MEOX1: variants seen among roughly 807,000 people sequenced by gnomAD.
The protein encoded by MEOX1 is homeobox protein MOX-1.
In MEOX1, 17 loss-of-function variants were observed where a neutral mutation model predicts 23.2. The ratio of observed to expected loss-of-function variants is 0.73; its 90% CI spans 0.50 to 1.10. The LOEUF (loss-of-function observed/expected upper bound fraction) is 1.10. Among genes scored for constraint, MEOX1 ranks in the 50% least tolerant of loss-of-function variants. The pLI is 0.00. For missense variants in MEOX1, 333 were observed against 332.2 expected, an observed-to-expected ratio of 1.00 and a Z score of -0.02; for synonymous variants, 134 against 135.1, an observed-to-expected ratio of 0.99 and a Z score of 0.06.
chr17:43,646,586 G>A (rs1385587434), intron 1 of MEOX1, among the ~76,000 whole-genome samples: 1 of 146,760 alleles, frequency 6.8e-6, no homozygotes, highest in Non-Finnish European at 1.5e-5. Context: ...CTCTCTGGGC[G>A]TCAGTCTCCT....
At chr17:43,654,659 A>G (rs1972980622) in intron 1 of MEOX1, among the ~76,000 whole-genome samples, 1 of 152,230 alleles carries the variant, frequency 6.6e-6, no homozygotes, top group Non-Finnish European at 1.5e-5. Flanking sequence ...CTGTCTCTAT[A>G]TTTTATTCTA....
intron 1 of MEOX1, among the ~76,000 whole-genome samples, chr17:43,656,708 A>G (rs972480284): frequency 9.9e-5 from 15 of 152,190 alleles, no homozygotes; most frequent in African/African-American, 3.6e-4. Flanking sequence ...ATTCACCTGT[A>G]GCCACTCTAA....
intron 2 of MEOX1, among the ~76,000 whole-genome samples, chr17:43,642,730 C>T (rs1972718836): frequency 6.6e-6 from 1 of 152,144 alleles, no homozygotes; most frequent in African/African-American, 2.4e-5. Context: ...GCCCAGGAAC[C>T]AGCTGCATAT....
intron 2 of MEOX1, among the ~76,000 whole-genome samples, chr17:43,642,948 C>T (rs1175183050): frequency 6.6e-6 from 1 of 152,172 alleles, no homozygotes; most frequent in Non-Finnish European, 1.5e-5. Flanking sequence ...AATTCTGAGG[C>T]CTGTATCCCA....
chr17:43,646,576 C>G (rs1316284075), intron 1 of MEOX1, among the ~76,000 whole-genome samples: 3 of 151,430 alleles, frequency 2.0e-5, no homozygotes, highest in Non-Finnish European at 2.9e-5. Context: ...GTCACTTAGC[C>G]TCTCTGGGCG....
chr17:43,648,799 C>T (rs1162197515), intron 1 of MEOX1, among the ~76,000 whole-genome samples: 2 of 152,198 alleles, frequency 1.3e-5, no homozygotes, highest in African/African-American at 4.8e-5. Flanking sequence ...TGAGGTCTTG[C>T]TGTGTGCTCT....
At chr17:43,658,734 C>T (rs1348182647) in intron 1 of MEOX1, among the ~76,000 whole-genome samples, 1 of 152,116 alleles carries the variant, frequency 6.6e-6, no homozygotes, top group African/African-American at 2.4e-5. Context: ...CTTCTTTGGG[C>T]TCTTACAAAG....
chr17:43,645,294 C>A (rs996461431), intron 1 of MEOX1, among the ~76,000 whole-genome samples: 5 of 151,362 alleles, frequency 3.3e-5, no homozygotes, highest in Non-Finnish European at 5.9e-5. Context: ...CTCCTGCCTC[C>A]GCCTCCCGAG....
Position 43,653,296 on chromosome 17 carries a change from C to T in MEOX1, c.469+7770G>A, listed in dbSNP as rs145883779. ...CTGGGACTACAGGTGTGAGCCAACA[C>T]GCCCAGCTAATTTTTGTATTTTTAG... On this transcript the variant is annotated intron_variant, in intron 1 of 2. Transcript: ENST00000318579. Among the ~76,000 whole-genome samples, 24 of 152,044 alleles carry T rather than the reference C, an allele frequency of 1.6e-4. No individual in the cohort carries two copies. In the East Asian group the frequency reaches 3.9e-3, roughly 24 times the overall value.
chr17:43,661,362 G>A lies in MEOX1; in HGVS notation c.173C>T (p.Ala58Val), dbSNP rs772324879. The change falls in exon 1 of 3, where the codon GCG (alanine) becomes GTG (valine). Residue 58 changes from alanine to valine, a missense_variant. Transcript: ENST00000318579. ...KPDFLATATA[A>V]YPDFSASCLA... ...GCAGGAGGCTGAGAAGTCAGGGTAC[G>A]CTGCCGTCGCTGTCGCCAGGAAGTC... 50 of 1,613,794 alleles carry A rather than the reference G, an allele frequency of 3.1e-5. No homozygotes were observed. The highest frequency in any genetic ancestry group is 4.2e-5 in the Non-Finnish European group (49 of 1,179,936).
chr17:43,645,603 A>C (rs1454832717), intron 1 of MEOX1, among the ~76,000 whole-genome samples: 1 of 152,108 alleles, frequency 6.6e-6, no homozygotes, highest in Non-Finnish European at 1.5e-5. Flanking sequence ...TGTTGGAAGG[A>C]GGGATCTTCT....
chr17:43,661,377 G>T lies in MEOX1; in HGVS notation c.158C>A (p.Ala53Glu), dbSNP rs769920468. The T allele has an allele frequency of 1.3e-6, 2 of 1,585,774 alleles. No homozygotes were observed. Among genetic ancestry groups the T allele is most frequent in the Non-Finnish European group, 1.7e-6 (2 of 1,165,708 alleles). The stretch of plus-strand genomic sequence containing the variant: ...GTCAGGGTACGCTGCCGTCGCTGTC[G>T]CCAGGAAGTCTGGTTTCTGGTGGAA... ...FSFHQKPDFL[A>E]TATAAYPDFS... Residue 53 changes from alanine (A) to glutamate (E), a missense_variant, in exon 1 of 3, where the codon GCG (alanine) becomes GAG (glutamate). Physicochemically the swap from Ala to Glu is moderately radical, Grantham distance 107 (BLOSUM62 -1). Transcript: ENST00000318579.
In MEOX1 at chr17:43,643,616, G is replaced by C. The variant is rs147458484; in HGVS notation, c.514C>G (p.Arg172Gly). ...TTGGTGAAGGCCGTCCTCTCCTTGC[G>C]GGCTTTGCTGCTGCCCTCCGGCTTC... ...RGKPEGSSKA[R>G]KERTAFTKEQ... Residue 172 changes from arginine (R) to glycine (G), a missense_variant, in exon 2 of 3, where the codon CGC becomes GGC. By Grantham distance (125) the Arg-to-Gly change is moderately radical (BLOSUM62 -2). Coordinates refer to ENST00000318579, the MANE Select transcript of MEOX1 (RefSeq NM_004527.4). The C allele has an allele frequency of 3.7e-6, 6 of 1,613,424 alleles. No homozygotes were observed. Among genetic ancestry groups the C allele is most frequent in the Non-Finnish European group, 4.2e-6 (5 of 1,179,896 alleles).
At chr17:43,657,059 C>CTTTCTTTCTTTCTTTCTTTCT (rs1567748423) in intron 1 of MEOX1, among the ~76,000 whole-genome samples, 3 of 48,370 alleles carry the variant, frequency 6.2e-5, no homozygotes, top group Non-Finnish European at 1.4e-4. Context: ...TCTTTCTTTC[C>CTTTCTTTCTTTCTTTCTTTCT]TTCCTTCCTT....
At chr17:43,659,149 C>G (rs1973095069) in intron 1 of MEOX1, among the ~76,000 whole-genome samples, 1 of 152,160 alleles carries the variant, frequency 6.6e-6, no homozygotes, top group South Asian at 2.1e-4. Context: ...CTGAGCCCAG[C>G]AGGCTCTTGG....
At chr17:43,658,538 A>C (rs951456376) in intron 1 of MEOX1, among the ~76,000 whole-genome samples, 1 of 152,024 alleles carries the variant, frequency 6.6e-6, no homozygotes, top group East Asian at 1.9e-4. Context: ...TTTTAAGGCA[A>C]TATTTGTAAA....
At chr17:43,648,940 C>T (rs1326271156) in intron 1 of MEOX1, among the ~76,000 whole-genome samples, 1 of 152,134 alleles carries the variant, frequency 6.6e-6, no homozygotes, top group Non-Finnish European at 1.5e-5. Flanking sequence ...TGTTGGTGAA[C>T]CTGGGCCTTA....
intron 1 of MEOX1, among the ~76,000 whole-genome samples, chr17:43,646,979 C>T (rs543450036): frequency 9.2e-4 from 140 of 152,284 alleles, no homozygotes; most frequent in African/African-American, 3.3e-3. Context: ...GAGAGCAAAA[C>T]TCCGTCTCAA....
Position 43,661,495 on chromosome 17 carries a change from G to A in MEOX1, c.40C>T (p.Pro14Ser). The change falls in exon 1 of 3, where the codon CCC becomes TCC. Residue 14 changes from proline (P) to serine (S), a missense_variant. Transcript: ENST00000318579. ...AASSCMRSLQ[P>S]PAPVWGCLRN... ...AGGCAGCCCCAGACAGGGGCTGGGG[G>A]CTGGAGGCTCCTCATGCAGCTGCTG... 6.3e-7 allele frequency: 1 copy of A among 1,596,458 alleles called. No individual in the cohort carries two copies. Among genetic ancestry groups the A allele is most frequent in the Non-Finnish European group, 8.5e-7 (1 of 1,172,304 alleles).
Sources: allele counts gnomAD v4.1 joint callset (sites outside exome capture counted in the v4.1 genomes callset), GRCh38; gene constraint gnomAD v4.1.1; transcripts MANE v1.5; gene names NCBI Gene and HGNC (gene_info 2026-07-23, HGNC 2026-07-21).